Variants in PRKCB observed in about 807,000 individuals in gnomAD.
PRKCB encodes the protein protein kinase C beta.
In PRKCB, 13 loss-of-function variants were observed where a neutral mutation model predicts 81.5. That is an observed-to-expected ratio of 0.16 (90% CI 0.10 to 0.25). The LOEUF (loss-of-function observed/expected upper bound fraction) is 0.25, where lower values mean the gene tolerates loss of function less well. Among genes scored for constraint, PRKCB ranks in the 10% least tolerant of loss-of-function variants. The pLI is 1.00. For missense variants in PRKCB, 509 were observed against 875.7 expected (o/e 0.58, Z 5.29); for synonymous variants, 335 against 321.4 (o/e 1.04, Z -0.45).
At chr16:23,875,059 C>T (rs1289065386) in intron 2 of PRKCB, among the ~76,000 whole-genome samples, 16 of 131,348 alleles carry the variant, frequency 1.2e-4, no homozygotes, top group Admixed American at 2.4e-4. Context: ...TTTTTTGAGA[C>T]GGGGTCTTGC....
At chr16:23,837,627 C>T (rs1962188872) in intron 2 of PRKCB, among the ~76,000 whole-genome samples, 1 of 152,156 alleles carries the variant, frequency 6.6e-6, no homozygotes, top group Non-Finnish European at 1.5e-5. Flanking sequence ...AGTTCACCTA[C>T]CCTTCCTGCC....
At chr16:24,001,882 A>G (rs1965038659) in intron 3 of PRKCB, among the ~76,000 whole-genome samples, 1 of 152,206 alleles carries the variant, frequency 6.6e-6, no homozygotes, top group Non-Finnish European at 1.5e-5. Context: ...GGAGTAGAGT[A>G]AGAGCTTCAG....
intron 2 of PRKCB, among the ~76,000 whole-genome samples, chr16:23,908,007 G>A (rs1963588403): frequency 6.6e-6 from 1 of 152,152 alleles, no homozygotes; most frequent in Non-Finnish European, 1.5e-5. Flanking sequence ...GGGGCAGCAG[G>A]AAGCACACGT....
intron 3 of PRKCB, among the ~76,000 whole-genome samples, chr16:23,999,271 G>T (rs1430421691): frequency 1.3e-5 from 2 of 152,208 alleles, no homozygotes; most frequent in Non-Finnish European, 2.9e-5. Context: ...CACACAGGCG[G>T]TGACCTTGGA....
At chr16:24,050,250 C>G (rs1965823880) in intron 5 of PRKCB, among the ~76,000 whole-genome samples, 1 of 152,124 alleles carries the variant, frequency 6.6e-6, no homozygotes, top group Non-Finnish European at 1.5e-5. Context: ...AGCCCACAAC[C>G]TCAAACACAT....
chr16:24,159,251 A>G (rs1483907734), intron 10 of PRKCB, among the ~76,000 whole-genome samples: 1 of 152,098 alleles, frequency 6.6e-6, no homozygotes, highest in East Asian at 1.9e-4. Context: ...CTACTCTCCC[A>G]TTTTGCAGGT....
At chr16:23,876,404 T>A (rs1354786959) in intron 2 of PRKCB, among the ~76,000 whole-genome samples, 1 of 152,184 alleles carries the variant, frequency 6.6e-6, no homozygotes, top group East Asian at 1.9e-4. Flanking sequence ...CATTGAGGAA[T>A]GCTTTGTTAA....
chr16:23,934,318 G>GTT (rs3073130), intron 2 of PRKCB, among the ~76,000 whole-genome samples: 3 of 135,070 alleles, frequency 2.2e-5, no homozygotes, highest in Admixed American at 7.5e-5. Context: ...GAAAAAAGCT[G>GTT]TTTTTTTTTT....
chr16:23,871,826 A>T (rs1320018111), intron 2 of PRKCB, among the ~76,000 whole-genome samples: 1 of 147,616 alleles, frequency 6.8e-6, no homozygotes, highest in South Asian at 2.1e-4. Context: ...AATCTGCCCA[A>T]CTCAGCCTCT....
At chr16:24,168,541 CTTTTTTTTTTTTTTTTTT>C (rs56671761) in intron 10 of PRKCB, among the ~76,000 whole-genome samples, 37 of 76,398 alleles carry the variant, frequency 4.8e-4, no homozygotes, top group African/African-American at 1.2e-3. Context: ...TCTTCTTCTA[CTTTTTTTTTTTTTTTTTT>C]TTTTTTTTTT....
intron 3 of PRKCB, among the ~76,000 whole-genome samples, chr16:24,027,682 T>C (rs1031655465): frequency 6.6e-6 from 1 of 152,206 alleles, no homozygotes. Context: ...TGTAGCTCAT[T>C]AACAAGATAA....
chr16:24,187,840 A>G (rs1386587414), intron 15 of PRKCB, among the ~76,000 whole-genome samples: 1 of 152,210 alleles, frequency 6.6e-6, no homozygotes, highest in African/African-American at 2.4e-5. Context: ...CACTGCACCC[A>G]GCCTAGGTGC....
At chr16:24,198,295 G>A (rs1967908015) in intron 16 of PRKCB, among the ~76,000 whole-genome samples, 1 of 152,226 alleles carries the variant, frequency 6.6e-6, no homozygotes, top group Non-Finnish European at 1.5e-5. Flanking sequence ...TTGGCTTAAT[G>A]AAGTCCTGTC....
At chr16:24,031,311 G>A (rs1324944371) in intron 3 of PRKCB, among the ~76,000 whole-genome samples, 1 of 152,188 alleles carries the variant, frequency 6.6e-6, no homozygotes, top group African/African-American at 2.4e-5. Context: ...AAAATTCAAG[G>A]CTGGTAGGGT....
Position 23,885,647 on chromosome 16 carries a change from A to G in PRKCB, c.205+48241A>G, listed in dbSNP as rs373268677. Among the ~76,000 whole-genome samples, 13 of 152,196 alleles carry G rather than the reference A, an allele frequency of 8.5e-5. No individual in the cohort carries two copies. In the East Asian group the frequency reaches 2.1e-3, roughly 25 times the overall value. On this transcript the variant is annotated intron_variant, in intron 2 of 16. Coordinates refer to ENST00000643927, the MANE Select transcript of PRKCB (RefSeq NM_002738.7). Reference sequence around the variant, plus strand: ...TCCCCTCTTTGCCCCCTTTTCTGGCATTCTCTTCTGATTCACTCTCAACTC... The same window carrying G: ...TCCCCTCTTTGCCCCCTTTTCTGGCGTTCTCTTCTGATTCACTCTCAACTC...
intron 3 of PRKCB, among the ~76,000 whole-genome samples, chr16:24,016,192 C>T (rs780411334): frequency 6.6e-5 from 10 of 151,984 alleles, no homozygotes; most frequent in Non-Finnish European, 1.5e-4. Flanking sequence ...GAGAGCTGGC[C>T]CAAGGTCACC....
At chr16:23,917,134 C>G (rs1438305923) in intron 2 of PRKCB, among the ~76,000 whole-genome samples, 1 of 152,116 alleles carries the variant, frequency 6.6e-6, no homozygotes, top group Non-Finnish European at 1.5e-5. Flanking sequence ...GTTGCCCAGA[C>G]CGGAGTGCAG....
At chr16:24,165,207 A>AT (rs1311383505) in intron 10 of PRKCB, among the ~76,000 whole-genome samples, 1 of 151,964 alleles carries the variant, frequency 6.6e-6, no homozygotes, top group African/African-American at 2.4e-5. Flanking sequence ...TGCCTGGCTA[A>AT]TTTTTTTATT....
At chr16:24,084,424 A>G (rs1408696188) in intron 5 of PRKCB, among the ~76,000 whole-genome samples, 2 of 152,278 alleles carry the variant, frequency 1.3e-5, no homozygotes, top group East Asian at 3.9e-4. Flanking sequence ...AATTTACAGA[A>G]ATACCATAAT....
Sources: allele counts gnomAD v4.1 joint callset (sites outside exome capture counted in the v4.1 genomes callset), GRCh38; gene constraint gnomAD v4.1.1; transcripts MANE v1.5; gene names NCBI Gene and HGNC (gene_info 2026-07-23, HGNC 2026-07-21).